The following RNF130 variants were observed in gnomAD, a reference collection of about 807,000 sequenced individuals.
The protein encoded by RNF130 is ring finger protein 130.
A neutral mutation model predicts 44.6 loss-of-function variants in RNF130; 21 were observed. That is an observed-to-expected ratio of 0.47 (90% CI 0.33 to 0.68). The LOEUF (loss-of-function observed/expected upper bound fraction) is 0.68, where lower values mean the gene tolerates loss of function less well. Among genes scored for constraint, RNF130 ranks in the 30% least tolerant of loss-of-function variants. The pLI, the probability that RNF130 is intolerant of heterozygous loss-of-function variation, is 0.02. For missense variants in RNF130, 479 were observed against 560.6 expected (o/e 0.85, Z 1.47); for synonymous variants, 214 against 210.4 (o/e 1.02, Z -0.15).
At chr5:180,048,880 A>G (rs1358671485) in intron 1 of RNF130, among the ~76,000 whole-genome samples, 2 of 152,204 alleles carry the variant, frequency 1.3e-5, no homozygotes, top group African/African-American at 2.4e-5. Context: ...CCCTCCAGGT[A>G]TGTAATTTAA....
At chr5:180,013,391 G>T (rs1426113597) in intron 2 of RNF130, 80 bp from the exon 3 acceptor site, 2 of 1,251,590 alleles carry the variant, frequency 1.6e-6, no homozygotes, top group South Asian at 3.0e-5. Flanking sequence ...CGCTACTTAG[G>T]TAACTACTAT....
At chr5:179,925,961 G>A (rs925040171) in intron 7 of RNF130, among the ~76,000 whole-genome samples, 3 of 152,180 alleles carry the variant, frequency 2.0e-5, no homozygotes, top group Non-Finnish European at 4.4e-5. Flanking sequence ...GGATGCATGT[G>A]GCACGGAAAG....
At chr5:180,025,885 C>T (rs1315608697) in intron 2 of RNF130, among the ~76,000 whole-genome samples, 1 of 152,076 alleles carries the variant, frequency 6.6e-6, no homozygotes, top group African/African-American at 2.4e-5. Flanking sequence ...AATAGATTTA[C>T]GTTAAGTGGC....
chr5:180,029,261 C>T (rs994052788), intron 2 of RNF130, among the ~76,000 whole-genome samples: 8 of 151,890 alleles, frequency 5.3e-5, no homozygotes, highest in African/African-American at 1.9e-4. Flanking sequence ...AGATGAACAA[C>T]CAGAAGAAAC....
chr5:179,974,992 G>T (rs1762685517), intron 5 of RNF130, among the ~76,000 whole-genome samples: 1 of 152,262 alleles, frequency 6.6e-6, no homozygotes, highest in Non-Finnish European at 1.5e-5. Context: ...GTGAGTTAAG[G>T]TGTTGAAGTA....
intron 2 of RNF130, among the ~76,000 whole-genome samples, chr5:180,037,253 G>A (rs1764270611): frequency 6.6e-6 from 1 of 152,240 alleles, no homozygotes; most frequent in Non-Finnish European, 1.5e-5. Context: ...AGTAACAAGG[G>A]TGGAAAGAAG....
chr5:179,994,571 C>T (rs2113040262), intron 3 of RNF130, among the ~76,000 whole-genome samples: 1 of 152,124 alleles, frequency 6.6e-6, no homozygotes, highest in East Asian at 1.9e-4. Context: ...TGAGTGTGTT[C>T]AGTAGCAAAT....
At chr5:180,001,382 G>C (rs1220511093) in intron 3 of RNF130, among the ~76,000 whole-genome samples, 1 of 152,166 alleles carries the variant, frequency 6.6e-6, no homozygotes, top group Non-Finnish European at 1.5e-5. Flanking sequence ...TAGGCTCAGA[G>C]TCTCACAAAT....
intron 2 of RNF130, among the ~76,000 whole-genome samples, chr5:180,017,376 C>A (rs1186485513): frequency 6.6e-6 from 1 of 152,146 alleles, no homozygotes; most frequent in Non-Finnish European, 1.5e-5. Flanking sequence ...GGTTTCCTCA[C>A]TGTAAATAAA....
chr5:179,945,457 C>G (rs755660374), intron 7 of RNF130, among the ~76,000 whole-genome samples: 12 of 152,174 alleles, frequency 7.9e-5, no homozygotes, highest in Non-Finnish European at 1.5e-4. Context: ...AAAGAGAAAA[C>G]ATTGCTGAGC....
chr5:179,937,633 A>T (rs967312825), intron 7 of RNF130, among the ~76,000 whole-genome samples: 1 of 152,140 alleles, frequency 6.6e-6, no homozygotes, highest in Non-Finnish European at 1.5e-5. Flanking sequence ...CCATTGTGTA[A>T]AAGAGTTTGG....
intron 2 of RNF130, among the ~76,000 whole-genome samples, chr5:180,021,819 T>C (rs1282540860): frequency 6.6e-6 from 1 of 152,168 alleles, no homozygotes; most frequent in Non-Finnish European, 1.5e-5. Flanking sequence ...CACTGATGTG[T>C]CACTGCCATC....
intron 3 of RNF130, among the ~76,000 whole-genome samples, chr5:180,005,695 G>T (rs1331960196): frequency 6.6e-6 from 1 of 152,014 alleles, no homozygotes; most frequent in East Asian, 1.9e-4. Context: ...CAGCTCCAAG[G>T]TCACAACCTA....
At chr5:179,917,678 A>C (rs1761572550) in exon 8 of RNF130, 1 of 152,162 alleles carries the variant, frequency 6.6e-6, no homozygotes, top group Non-Finnish European at 1.5e-5. Flanking sequence ...AGCAGCTAGT[A>C]AAGAGGCTGT....
chr5:179,974,980 G>A (rs952612315), intron 5 of RNF130, among the ~76,000 whole-genome samples: 24 of 152,376 alleles, frequency 1.6e-4, no homozygotes, highest in Middle Eastern at 3.4e-3. Context: ...AAGAACAAGC[G>A]TGTGAGTTAA....
chr5:179,949,174 A>T (rs1360975227), intron 7 of RNF130, among the ~76,000 whole-genome samples: 2 of 152,044 alleles, frequency 1.3e-5, no homozygotes, highest in Non-Finnish European at 2.9e-5. Context: ...CATGTTGGCC[A>T]GGCTGATCTC....
At chr5:180,007,073 T>C (rs1763476023) in intron 3 of RNF130, among the ~76,000 whole-genome samples, 2 of 152,218 alleles carry the variant, frequency 1.3e-5, no homozygotes, top group Non-Finnish European at 2.9e-5. Flanking sequence ...ATCTCTTTGG[T>C]AGCATGTTCT....
At chr5:180,005,096 G>A (rs248320) in intron 3 of RNF130, among the ~76,000 whole-genome samples, 19,348 of 151,898 alleles carry the variant, frequency 0.13, 1,412 homozygotes, top group East Asian at 0.27. Context: ...TAAGTCTCTC[G>A]CACCAGAAAA....
intron 8 of RNF130, among the ~76,000 whole-genome samples, chr5:179,961,754 C>CAGGT (rs928423192): frequency 1.3e-5 from 2 of 152,120 alleles, no homozygotes; most frequent in African/African-American, 4.8e-5. Context: ...CCTCTAAACT[C>CAGGT]AGGTTTGAAT....
Sources: gnomAD v4.1 joint callset for allele counts (sites outside exome capture counted in the v4.1 genomes callset) on GRCh38, gnomAD v4.1.1 for gene constraint, MANE v1.5 for transcripts, NCBI Gene and HGNC (gene_info 2026-07-23, HGNC 2026-07-21) for gene names.